The following ATP2B4 variants were observed in gnomAD, a reference collection of about 807,000 sequenced individuals.
ATP2B4 encodes ATPase plasma membrane Ca2+ transporting 4, also known as plasma membrane calcium-transporting ATPase 4.
In ATP2B4, 39 loss-of-function variants were observed where a neutral mutation model predicts 110.3. The ratio of observed to expected loss-of-function variants is 0.35; its 90% CI spans 0.27 to 0.46. ATP2B4 has a LOEUF of 0.46. Among genes scored for constraint, ATP2B4 ranks in the 20% least tolerant of loss-of-function variants. The probability of loss-of-function intolerance (pLI) is 1.00; values close to 1 mark genes in which losing one functional copy is unlikely to be tolerated. For synonymous variants in ATP2B4, 538 were observed against 571.7 expected (o/e 0.94, Z 0.84); for missense variants, 1,135 against 1,530.9 (o/e 0.74, Z 4.32).
At chr1:203,726,232 G>C (rs9326596) in intron 19 of ATP2B4, among the ~76,000 whole-genome samples, 74,914 of 151,546 alleles carry the variant, frequency 0.49, 19,581 homozygotes, top group African/African-American at 0.63. Flanking sequence ...GAGACTCTAT[G>C]TCGAAAAACA....
intron 1 of ATP2B4, among the ~76,000 whole-genome samples, chr1:203,677,526 G>A (rs760820219): frequency 2.4e-4 from 37 of 152,170 alleles, no homozygotes; most frequent in Admixed American, 2.2e-3. Context: ...GCAGTGGCAC[G>A]ATCTTGGCTC....
At chr1:203,726,979 C>G (rs912176623) in intron 19 of ATP2B4, among the ~76,000 whole-genome samples, 1 of 152,214 alleles carries the variant, frequency 6.6e-6, no homozygotes, top group Non-Finnish European at 1.5e-5. Context: ...GGCAATATCA[C>G]CATCTTCTCC....
intron 1 of ATP2B4, among the ~76,000 whole-genome samples, chr1:203,674,294 G>A (rs372489838): frequency 8.5e-5 from 13 of 152,250 alleles, no homozygotes; most frequent in African/African-American, 2.4e-4. Context: ...AATGGTGAGC[G>A]CTGCTGTTTC....
Position 203,707,939 on chromosome 1 carries a change from T to C in ATP2B4, c.1392T>C (p.Ser464=), listed in dbSNP as rs1210982133. ...ETMGNATAIC[S]DKTGTLTMNR... is the part of the protein sequence containing the mutation. ...TGGGCAACGCCACCGCCATCTGCTC[T>C]GATAAGACAGGCACGTTGACCATGA... Residue 464 remains serine (S), a synonymous_variant, in exon 10 of 21, where the codon TCT becomes TCC. Transcript: ENST00000357681. 1 of 1,614,144 alleles carries C rather than the reference T, an allele frequency of 6.2e-7. No individual in the cohort carries two copies. Among genetic ancestry groups the C allele is most frequent in the African/African-American group, 1.3e-5 (1 of 74,940 alleles).
At chr1:203,683,801 G>A (rs1665093926) in intron 2 of ATP2B4, among the ~76,000 whole-genome samples, 1 of 151,086 alleles carries the variant, frequency 6.6e-6, no homozygotes, top group African/African-American at 2.4e-5. Flanking sequence ...AGTCTGCTGG[G>A]TAGCTAGGAC....
intron 1 of ATP2B4, among the ~76,000 whole-genome samples, chr1:203,671,685 A>G: frequency 6.6e-6 from 1 of 152,210 alleles, no homozygotes; most frequent in South Asian, 2.1e-4. Context: ...CTCATCCATC[A>G]GCATCTGAAC....
intron 1 of ATP2B4, chr1:203,657,861 CA>C (rs1430750668): frequency 4.7e-5 from 17 of 362,302 alleles, no homozygotes; most frequent in Non-Finnish European, 7.5e-5. Flanking sequence ...AGGAAAGGGT[CA>C]CCCTTTTTTA....
Position 203,629,261 on chromosome 1 carries a change from T to G in ATP2B4, c.-465+2042T>G, listed in dbSNP as rs1663185918. On this transcript the variant is annotated intron_variant, in intron 1 of 20. Coordinates refer to ENST00000357681, the MANE Select transcript of ATP2B4 (RefSeq NM_001684.5). The surrounding 1 kb of genome is among the most constrained non-coding windows in gnomAD (Gnocchi z 4.6). ...GCCCCCAAGACAGAATTAATGCCCG[T>G]GTTCTGGAGGGAGGGGATCCATTTC... Among the ~76,000 whole-genome samples the G allele has an allele frequency of 6.6e-6, 1 of 152,112 alleles. No homozygotes were observed. Among genetic ancestry groups the G allele is most frequent in the Non-Finnish European group, 1.5e-5 (1 of 68,010 alleles).
intron 1 of ATP2B4, among the ~76,000 whole-genome samples, chr1:203,642,138 A>G (rs988546524): frequency 6.6e-6 from 1 of 151,998 alleles, no homozygotes; most frequent in African/African-American, 2.4e-5. Flanking sequence ...CTGGAGTGTA[A>G]TGGTGTCATC....
chr1:203,657,965 A>T (rs576360836), intron 1 of ATP2B4, among the ~76,000 whole-genome samples: 1 of 152,230 alleles, frequency 6.6e-6, no homozygotes, highest in East Asian at 1.9e-4. Context: ...CAACCTCCCA[A>T]AGTGCTAGGA....
intron 20 of ATP2B4, among the ~76,000 whole-genome samples, chr1:203,734,568 A>G (rs907169512): frequency 6.6e-5 from 10 of 150,846 alleles, no homozygotes; most frequent in African/African-American, 2.2e-4. Context: ...TAGCCGGGCA[A>G]TATGGTGCGT....
In ATP2B4 at chr1:203,725,395, C is replaced by T. The variant is rs113071919; in HGVS notation, c.3132+1407C>T. Among the ~76,000 whole-genome samples, 403 of 152,188 alleles carry T rather than the reference C, an allele frequency of 2.6e-3. 1 individual carries two copies. Among genetic ancestry groups the T allele is most frequent in the African/African-American group, 9.2e-3 (382 of 41,508 alleles). ...AACTCCTGATCTCAGGTGATCCACC[C>T]GCCATGGCCTCCGAAAGTGCTAGGA... On this transcript the variant is annotated intron_variant, in intron 19 of 20. Transcript: ENST00000357681.
chr1:203,684,353 A>C (rs1048647947), intron 2 of ATP2B4, among the ~76,000 whole-genome samples: 1 of 125,434 alleles, frequency 8.0e-6, no homozygotes, highest in Admixed American at 8.1e-5. Context: ...CCCCATCTCT[A>C]TTTTTTTTTT....
chr1:203,687,163 C>G (rs1353882313), intron 2 of ATP2B4, among the ~76,000 whole-genome samples: 2 of 151,400 alleles, frequency 1.3e-5, no homozygotes, highest in East Asian at 3.9e-4. Context: ...GGAAAACAAC[C>G]TTTCCATTAG....
rs1380606293 is a variant in ATP2B4, at chr1:203,742,825, C to T, written c.*2971C>T. The T allele has an allele frequency of 1.3e-5, 2 of 152,260 alleles. No homozygotes were observed. Among genetic ancestry groups the T allele is most frequent in the Non-Finnish European group, 2.9e-5 (2 of 68,044 alleles). The allele number at this position is 152,260 out of a possible 1,614,324, so 9.4% of individuals were successfully genotyped here. A position where few individuals can be genotyped will look rare whatever the true frequency, so the allele number is the denominator to read the frequency against. On this transcript the variant is annotated 3_prime_UTR_variant, in exon 21 of 21. Coordinates refer to ENST00000357681, the MANE Select transcript of ATP2B4 (RefSeq NM_001684.5). Reference sequence around the variant, plus strand: ...TTGCATTTTTCATGGTTTTTATTTCCTGTTCCCCCTGGAGTTTTCCATTAG... The same window carrying T: ...TTGCATTTTTCATGGTTTTTATTTCTTGTTCCCCCTGGAGTTTTCCATTAG...
At chr1:203,719,320 C>T (rs993802795) in intron 15 of ATP2B4, among the ~76,000 whole-genome samples, 2 of 142,130 alleles carry the variant, frequency 1.4e-5, no homozygotes, top group Non-Finnish European at 3.1e-5. Flanking sequence ...CCGGCTTCCA[C>T]CCTCATTGCC....
chr1:203,738,794 A>G (rs909780188), intron 20 of ATP2B4, among the ~76,000 whole-genome samples: 1 of 152,166 alleles, frequency 6.6e-6, no homozygotes, highest in Non-Finnish European at 1.5e-5. Flanking sequence ...TGACACCTGT[A>G]TTTTATCTGC....
In ATP2B4 at chr1:203,740,962, G is replaced by T. The variant is rs1387757364; in HGVS notation, c.*1108G>T. 6.6e-6 allele frequency: 1 copy of T among 152,252 alleles called. No homozygotes were observed. Among genetic ancestry groups the T allele is most frequent in the South Asian group, 2.1e-4 (1 of 4,832 alleles). The allele number at this position is 152,252 out of a possible 1,614,324, so 9.4% of individuals were successfully genotyped here. A position where few individuals can be genotyped will look rare whatever the true frequency, so the allele number is the denominator to read the frequency against. On this transcript the variant is annotated 3_prime_UTR_variant, in exon 21 of 21. Transcript: ENST00000357681. ...TCCAGGGCAGGACCTGACTGGTGGGGAATGAGTGTTCAGAAGCCTTGGGAG... is the reference window on the plus strand; with the variant it reads ...TCCAGGGCAGGACCTGACTGGTGGGTAATGAGTGTTCAGAAGCCTTGGGAG...
chr1:203,688,149 A>G (rs1482942719), intron 2 of ATP2B4, among the ~76,000 whole-genome samples: 1 of 150,728 alleles, frequency 6.6e-6, no homozygotes, highest in Non-Finnish European at 1.5e-5. Flanking sequence ...TCAGCCTTCC[A>G]AGTAGCTGGG....
Sources: allele counts gnomAD v4.1 joint callset (sites outside exome capture counted in the v4.1 genomes callset), GRCh38; gene constraint gnomAD v4.1.1; non-coding constraint Gnocchi (gnomAD v3.1); transcripts MANE v1.5; gene names NCBI Gene and HGNC (gene_info 2026-07-23, HGNC 2026-07-21).